CUL2: variants seen among roughly 807,000 people sequenced by gnomAD.
CUL2 encodes cullin-2.
Under a neutral mutation model 110.2 loss-of-function variants are expected in CUL2, and 22 were observed. The ratio of observed to expected loss-of-function variants is 0.20; its 90% confidence interval spans 0.14 to 0.28. The LOEUF is 0.28. Among genes scored for constraint, CUL2 ranks in the 10% least tolerant of loss-of-function variants. CUL2 has a pLI of 1.00. For synonymous variants in CUL2, 279 were observed against 293.2 expected, an observed-to-expected ratio of 0.95 and a Z score of 0.49; for missense variants, 631 against 905.5, an observed-to-expected ratio of 0.70 and a Z score of 3.89.
rs2084827942 is a variant in CUL2 at position 35,009,017 on chromosome 10, GA to G, written c.*1293del. 6.6e-6 allele frequency: 1 copy of G among 151,672 alleles called. No individual in the cohort carries two copies. The highest frequency in any genetic ancestry group is 1.5e-5 in the Non-Finnish European group (1 of 67,946). The allele number at this position is 151,672 out of a possible 1,614,324, so 9.4% of individuals were successfully genotyped here. A position where few individuals can be genotyped will look rare whatever the true frequency, so the allele number is the denominator to read the frequency against. ...ACAGAGATAGGATTGCTTGAGGCCAGAAGTTCCAGACTAGCCTGGGAAACAT... is the reference window on the plus strand; with the variant it reads ...ACAGAGATAGGATTGCTTGAGGCCAGAGTTCCAGACTAGCCTGGGAAACAT... On this transcript the variant is annotated 3_prime_UTR_variant, in exon 21 of 21. Transcript: ENST00000374749.
chr10:35,022,546 C>A (rs957532473), intron 17 of CUL2, among the ~76,000 whole-genome samples: 1 of 152,130 alleles, frequency 6.6e-6, no homozygotes, highest in Non-Finnish European at 1.5e-5. Flanking sequence ...AGTCCTGGAG[C>A]CTTAGGCCAT....
chr10:35,040,581 G>C lies in CUL2; in HGVS notation c.715-1499C>G, dbSNP rs1423666043. Among the ~76,000 whole-genome samples the C allele has an allele frequency of 2.0e-5, 3 of 152,130 alleles. No individual in the cohort carries two copies. The East Asian group carries it at 5.8e-4, about 29-fold the overall frequency. On this transcript the variant is annotated intron_variant, in intron 8 of 20. Coordinates refer to ENST00000374749, the MANE Select transcript of CUL2 (RefSeq NM_003591.4). ...CCAGACAGTAGGTTCCCACAGTCCT[G>C]TCTTTCCTATTGTGCGACCCTTTGA...
chr10:35,076,437 TAACAATGAATTATA>T (rs1002522622), intron 1 of CUL2, among the ~76,000 whole-genome samples: 1 of 152,186 alleles, frequency 6.6e-6, no homozygotes, highest in Non-Finnish European at 1.5e-5. Context: ...GCTATACATT[TAACAATGAATTATA>T]AAATCCTGCC....
chr10:35,111,419 G>A (rs1038239449), intron 1 of CUL2, among the ~76,000 whole-genome samples: 1 of 151,910 alleles, frequency 6.6e-6, no homozygotes, highest in Non-Finnish European at 1.5e-5. Flanking sequence ...GCCTAACTAA[G>A]ATTTTCTATT....
chr10:35,068,439 C>T (rs2086592526), intron 2 of CUL2, among the ~76,000 whole-genome samples: 1 of 151,872 alleles, frequency 6.6e-6, no homozygotes, highest in African/African-American at 2.4e-5. Flanking sequence ...AAAAAAGAAC[C>T]ACAAAAACAA....
chr10:35,051,905 T>C (rs1187804775), intron 5 of CUL2, among the ~76,000 whole-genome samples: 1 of 152,210 alleles, frequency 6.6e-6, no homozygotes, highest in Non-Finnish European at 1.5e-5. Flanking sequence ...AAGTTTAATA[T>C]ACTCAAATTT....
At chr10:35,042,671 G>A (rs2085824671) in intron 8 of CUL2, among the ~76,000 whole-genome samples, 1 of 152,080 alleles carries the variant, frequency 6.6e-6, no homozygotes, top group African/African-American at 2.4e-5. Flanking sequence ...CTGCACTCAT[G>A]GTGATTTCAG....
In CUL2 at chr10:35,025,214, A is replaced by C. The variant is rs1429220689; in HGVS notation, c.1618-16T>G. On this transcript the variant is annotated splice_polypyrimidine_tract_variant and intron_variant, in intron 16 of 20. Coordinates refer to ENST00000374749, the MANE Select transcript of CUL2 (RefSeq NM_003591.4). ...ATAATTCAAACTGTAAAAAAAAAAA[A>C]AAAACACACATTATTTTTAGCTACT... 7.7e-6 allele frequency: 12 copies of C among 1,561,162 alleles called. No individual in the cohort carries two copies. Among genetic ancestry groups the C allele is most frequent in the Admixed American group, 4.3e-5 (2 of 46,244 alleles).
chr10:35,122,614 A>G (rs529090046), intron 1 of CUL2, among the ~76,000 whole-genome samples: 1 of 152,262 alleles, frequency 6.6e-6, no homozygotes, highest in Admixed American at 6.5e-5. Flanking sequence ...GCAGGTAGTA[A>G]TAATATCCTT....
chr10:35,029,619 T>C lies in CUL2; in HGVS notation c.1408A>G (p.Thr470Ala). Residue 470 changes from threonine (T) to alanine (A), a missense_variant, in exon 15 of 21, where the codon ACC (threonine) becomes GCC (alanine). By Grantham distance (58) the Thr-to-Ala change is moderately conservative (BLOSUM62 0). Coordinates refer to ENST00000374749, the MANE Select transcript of CUL2 (RefSeq NM_003591.4). ...GTATACATCCGATGTAGCTTGCTGG[T>C]AAACTCATAACCACAGGCTTGCTAT... Reference protein sequence around the residue: ...KLKQACGYEFTSKLHRMYTDM... With the variant: ...KLKQACGYEFASKLHRMYTDM... 1 of 1,590,854 alleles carries C rather than the reference T, an allele frequency of 6.3e-7. No homozygotes were observed. The highest frequency in any genetic ancestry group is 1.9e-5 in the Admixed American group (1 of 52,720).
At chr10:35,035,368 T>G in intron 9 of CUL2, 72 bp from the exon 10 acceptor site, 1 of 1,539,402 alleles carries the variant, frequency 6.5e-7, no homozygotes, top group Non-Finnish European at 8.9e-7. Flanking sequence ...TGGATCCAAG[T>G]GCAGGAGTAC....
At chr10:35,102,585 A>T (rs748692279) in intron 1 of CUL2, among the ~76,000 whole-genome samples, 27 of 151,870 alleles carry the variant, frequency 1.8e-4, no homozygotes, top group Non-Finnish European at 4.4e-5. Context: ...AAAATAATAA[A>T]AAATAAATAA....
chr10:35,082,065 C>T (rs776745988), intron 1 of CUL2, among the ~76,000 whole-genome samples: 11 of 150,882 alleles, frequency 7.3e-5, no homozygotes, highest in East Asian at 3.9e-4. Context: ...GGGAGGCCAA[C>T]GTGGGAGGAT....
chr10:35,076,188 G>A (rs2086813024), intron 1 of CUL2, among the ~76,000 whole-genome samples: 1 of 152,022 alleles, frequency 6.6e-6, no homozygotes, highest in African/African-American at 2.4e-5. Context: ...GCCACATAAC[G>A]TATGAATCTA....
intron 9 of CUL2, 40 bp downstream of exon 9, chr10:35,038,879 GA>G: frequency 7.2e-7 from 1 of 1,391,446 alleles, no homozygotes; most frequent in African/African-American, 1.4e-5. Context: ...ATAAAAGGTG[GA>G]TTTATAATTT....
intron 6 of CUL2, among the ~76,000 whole-genome samples, chr10:35,046,757 T>C (rs1294028348): frequency 6.6e-6 from 1 of 152,106 alleles, no homozygotes; most frequent in African/African-American, 2.4e-5. Context: ...CTGGGCATGG[T>C]GGCGCATGTC....
intron 19 of CUL2, 148 bp from the exon 20 acceptor site, chr10:35,012,112 G>C: frequency 1.7e-6 from 1 of 577,256 alleles, no homozygotes; most frequent in South Asian, 2.1e-5. Context: ...GGAGTTCAGT[G>C]ACTCGCTCTC....
chr10:35,060,459 T>G lies in CUL2; in HGVS notation c.317+415A>C, dbSNP rs7907294. Among the ~76,000 whole-genome samples the G allele has an allele frequency of 5.2e-3, 791 of 152,208 alleles. 4 individuals are homozygous for G. Among genetic ancestry groups the G allele is most frequent in the African/African-American group, 0.018 (761 of 41,506 alleles). ...TTCAAGGGGAAAATAACCCAGTAATTTATCTAACATCGTTTGCATCAAACA... is the reference window on the plus strand; with the variant it reads ...TTCAAGGGGAAAATAACCCAGTAATGTATCTAACATCGTTTGCATCAAACA... On this transcript the variant is annotated intron_variant, in intron 4 of 20. Transcript: ENST00000374749.
At chr10:35,124,628 CT>C (rs2087717590) in intron 1 of CUL2, among the ~76,000 whole-genome samples, 1 of 152,172 alleles carries the variant, frequency 6.6e-6, no homozygotes, top group Non-Finnish European at 1.5e-5. Flanking sequence ...ATTGGCAACT[CT>C]GTGGCCTTCC....
Sources: allele counts gnomAD v4.1 joint callset (sites outside exome capture counted in the v4.1 genomes callset), GRCh38; gene constraint gnomAD v4.1.1; transcripts MANE v1.5; gene names NCBI Gene and HGNC (gene_info 2026-07-23, HGNC 2026-07-21).